PRH1: variants seen among roughly 807,000 people sequenced by gnomAD.
The protein encoded by PRH1 is proline rich protein HaeIII subfamily 1.
PRH1 carries 7 observed loss-of-function variants against 7.9 expected under a neutral mutation model. The ratio of observed to expected loss-of-function variants is 0.89; its 90% CI spans 0.50 to 1.67. PRH1 has a LOEUF of 1.67. Among genes scored for constraint, PRH1 ranks in the 40% most tolerant of loss-of-function variants. The pLI is 0.00. For missense variants in PRH1, 109 were observed against 223.6 expected (o/e 0.49, Z 3.27); for synonymous variants, 45 against 80.8 (o/e 0.56, Z 2.38).
chr12:11,115,396 T>C (rs1945703876), intron 1 of PRH1, among the ~76,000 whole-genome samples: 1 of 148,946 alleles, frequency 6.7e-6, no homozygotes, highest in Non-Finnish European at 1.5e-5. Flanking sequence ...CCCAGATATA[T>C]AAAGCAAATA....
chr12:11,002,902 A>T (rs1187094457), intron 1 of PRH1, among the ~76,000 whole-genome samples: 1 of 152,044 alleles, frequency 6.6e-6, no homozygotes, highest in South Asian at 2.1e-4. Flanking sequence ...TTTAGGGATA[A>T]ATGTAGCAAA....
chr12:11,106,460 C>T (rs1030678185), intron 1 of PRH1, among the ~76,000 whole-genome samples: 3 of 152,098 alleles, frequency 2.0e-5, no homozygotes, highest in Non-Finnish European at 4.4e-5. Flanking sequence ...AGACCTTTGA[C>T]TAAGTTTTTC....
intron 1 of PRH1, among the ~76,000 whole-genome samples, chr12:10,978,711 T>C (rs1222813996): frequency 6.6e-6 from 1 of 152,140 alleles, no homozygotes; most frequent in Admixed American, 6.6e-5. Flanking sequence ...TATAAGGAAC[T>C]TGATTTTGCG....
rs138654523 is a variant in PRH1 at position 11,159,929 on chromosome 12, T to C, written n.39+11493A>G. Among the ~76,000 whole-genome samples, 460 of 152,328 alleles carry C rather than the reference T, an allele frequency of 3.0e-3. 3 individuals carry two copies. Among genetic ancestry groups the C allele is most frequent in the African/African-American group, 0.011 (440 of 41,578 alleles). On this transcript the variant is annotated intron_variant and non_coding_transcript_variant, in intron 1 of 1. Coordinates refer to the PRH1 transcript ENST00000541175. ...AGAGATACAAAGCTTCATGAATACC[T>C]TTCTTACCACTTTCAGTCAGCTACT...
intron 2 of PRH1, among the ~76,000 whole-genome samples, chr12:10,956,598 G>C (rs921130247): frequency 6.6e-6 from 1 of 152,048 alleles, no homozygotes; most frequent in Non-Finnish European, 1.5e-5. Flanking sequence ...TAAATAAAAG[G>C]CATCCCAATA....
At chr12:11,128,110 C>G (rs1054397596) in intron 1 of PRH1, among the ~76,000 whole-genome samples, 1 of 100,580 alleles carries the variant, frequency 9.9e-6, no homozygotes, top group Non-Finnish European at 1.9e-5. Flanking sequence ...GACTCAGTCT[C>G]AAAAAAAAAA....
intron 1 of PRH1, chr12:11,062,329 G>A: frequency 1.3e-6 from 2 of 1,555,748 alleles, no homozygotes; most frequent in Admixed American, 2.0e-5. Context: ...TTAAAATGCT[G>A]GTGTAATATC....
intron 1 of PRH1, chr12:10,986,228 G>A (rs1939615659): frequency 6.2e-7 from 1 of 1,614,082 alleles, no homozygotes; most frequent in Non-Finnish European, 8.5e-7. Flanking sequence ...CTTCTCCATG[G>A]AGCTGCATCT....
At chr12:11,119,414 C>T (rs1945828241), downstream of PRH1, among the ~76,000 whole-genome samples, 1 of 151,782 alleles carries the variant, frequency 6.6e-6, no homozygotes, top group Non-Finnish European at 1.5e-5. Flanking sequence ...TTTAACGTAA[C>T]TAAAAGAGTA....
At chr12:10,997,112 C>G in intron 1 of PRH1, 1 of 1,613,524 alleles carries the variant, frequency 6.2e-7, no homozygotes, top group Non-Finnish European at 8.5e-7. Context: ...TTCTTTTGGT[C>G]GCATCTTAAA....
In PRH1 at chr12:11,082,217, T is replaced by C. The variant is rs1361242852; in HGVS notation, n.124-35029A>G. On this transcript the variant is annotated intron_variant and non_coding_transcript_variant, in intron 1 of 4. Coordinates refer to the PRH1 transcript ENST00000541977. ...TGATGATGTCAGCTAAAAGGTAGAATGTTATTTAATAAATGTGATTTTGGT... is the reference window on the plus strand; with the variant it reads ...TGATGATGTCAGCTAAAAGGTAGAACGTTATTTAATAAATGTGATTTTGGT... 3.4e-5 allele frequency among the ~76,000 whole-genome samples: 4 copies of C among 116,466 alleles called. 2 individuals carry two copies. The highest frequency in any genetic ancestry group is 8.1e-5 in the Non-Finnish European group (4 of 49,208). The allele number at this position is 116,466 out of a possible 152,430, so 76.4% of individuals were successfully genotyped here.
chr12:10,901,096 A>G (rs1299569306), intron 2 of PRH1, among the ~76,000 whole-genome samples: 1 of 152,184 alleles, frequency 6.6e-6, no homozygotes, highest in Non-Finnish European at 1.5e-5. Context: ...GCTCACACAG[A>G]CTGGCAACCT....
At chr12:11,066,287 G>A (rs1381001089) in intron 1 of PRH1, among the ~76,000 whole-genome samples, 5 of 152,144 alleles carry the variant, frequency 3.3e-5, no homozygotes, top group Non-Finnish European at 7.4e-5. Context: ...AACTCTGTTT[G>A]ACTATTTGGT....
At chr12:11,002,138 TA>T (rs1191251133) in intron 1 of PRH1, among the ~76,000 whole-genome samples, 1 of 152,134 alleles carries the variant, frequency 6.6e-6, no homozygotes, top group Non-Finnish European at 1.5e-5. Context: ...CCCATAATAA[TA>T]ATCTTTTAAA....
intron 2 of PRH1, among the ~76,000 whole-genome samples, chr12:10,900,664 C>T (rs1949710365): frequency 1.3e-5 from 2 of 152,232 alleles, no homozygotes; most frequent in South Asian, 2.1e-4. Context: ...CTGTGTGTGT[C>T]ATTGCTGGGT....
intron 1 of PRH1, among the ~76,000 whole-genome samples, chr12:11,100,664 G>A (rs1047672473): frequency 1.3e-5 from 2 of 152,062 alleles, no homozygotes; most frequent in African/African-American, 2.4e-5. Context: ...AAAAAATGAC[G>A]GCATTCTCAG....
At chr12:10,938,659 G>C in intron 2 of PRH1, 1 of 1,613,958 alleles carries the variant, frequency 6.2e-7, no homozygotes, top group Non-Finnish European at 8.5e-7. Flanking sequence ...TGAACACAGT[G>C]CTGGTTAATA....
upstream of PRH1, among the ~76,000 whole-genome samples, chr12:10,885,754 T>A: frequency 6.6e-6 from 1 of 152,238 alleles, no homozygotes; most frequent in East Asian, 1.9e-4. Flanking sequence ...AATTTTTCAC[T>A]TTTTGTGCAT....
Position 10,979,765 on chromosome 12 carries a change from G to A in PRH1, c.-125-6044C>T, listed in dbSNP as rs1388452517. ...TGAGTATGGCAGAAGTGACGACAAG[G>A]GATTGGATTCTGTATGTTTTTGAAG... On this transcript the variant is annotated intron_variant, in intron 1 of 3. Transcript: ENST00000539853. Among the ~76,000 whole-genome samples, 5 of 152,262 alleles carry A rather than the reference G, an allele frequency of 3.3e-5. No individual in the cohort carries two copies. In the South Asian group the frequency reaches 6.2e-4, roughly 19 times the overall value.
Sources: allele counts gnomAD v4.1 joint callset (sites outside exome capture counted in the v4.1 genomes callset), GRCh38; gene constraint gnomAD v4.1.1; transcripts MANE v1.5; gene names NCBI Gene and HGNC (gene_info 2026-07-23, HGNC 2026-07-21).